Variants in OTUD7A observed in about 807,000 individuals in gnomAD.
OTUD7A encodes OTU domain-containing protein 7A.
OTUD7A carries 12 observed loss-of-function variants against 65.7 expected under a neutral mutation model. The ratio of observed to expected loss-of-function variants is 0.18; its 90% CI spans 0.12 to 0.30. OTUD7A has a LOEUF of 0.30. OTUD7A is among the 10% of genes least tolerant of loss of function. The pLI, the probability that OTUD7A is intolerant of heterozygous loss-of-function variation, is 1.00. For synonymous variants in OTUD7A, 641 were observed against 586.3 expected (o/e 1.09, Z -1.35); for missense variants, 1,148 against 1,304.8 (o/e 0.88, Z 1.85).
In OTUD7A at chr15:31,625,766, T is replaced by C. The variant is rs184566716; in HGVS notation, c.151+29330A>G. 4.6e-5 allele frequency among the ~76,000 whole-genome samples: 7 copies of C among 152,192 alleles called. No individual in the cohort carries two copies. In the East Asian group the frequency reaches 1.2e-3, roughly 25 times the overall value. On this transcript the variant is annotated intron_variant, in intron 3 of 12. Coordinates refer to ENST00000307050, the MANE Select transcript of OTUD7A (RefSeq NM_001382637.1). ...AAGCCAGAAACCACCCAGATACCCA[T>C]TAAATAGTGATGGATAAAAAAACAA...
At chr15:31,838,271 T>C (rs1169823692) in intron 1 of OTUD7A, among the ~76,000 whole-genome samples, 2 of 152,224 alleles carry the variant, frequency 1.3e-5, no homozygotes, top group Non-Finnish European at 2.9e-5. Flanking sequence ...AGTAATAAAT[T>C]GGACTTCAGC....
intron 1 of OTUD7A, among the ~76,000 whole-genome samples, chr15:31,725,512 A>G (rs1298858327): frequency 6.6e-6 from 1 of 152,180 alleles, no homozygotes; most frequent in African/African-American, 2.4e-5. Flanking sequence ...AGACTTTAGG[A>G]TGTCTCCCAC....
intron 1 of OTUD7A, among the ~76,000 whole-genome samples, chr15:31,771,054 A>G (rs1408086492): frequency 3.3e-5 from 5 of 152,244 alleles, no homozygotes. Context: ...GGCTCTGGCC[A>G]ATGAAATAAG....
At chr15:31,743,740 C>CA (rs796828479) in intron 1 of OTUD7A, among the ~76,000 whole-genome samples, 198 of 137,622 alleles carry the variant, frequency 1.4e-3, no homozygotes, top group African/African-American at 2.9e-3. Flanking sequence ...AACCCCATCT[C>CA]AAAAAAAAAA....
rs764874054 is a variant in OTUD7A, at chr15:31,649,845, G to T, written c.151+5251C>A. 41 of 374,946 alleles carry T rather than the reference G, an allele frequency of 1.1e-4. 1 individual carries two copies. The highest frequency in any genetic ancestry group is 9.0e-4 in the Middle Eastern group (2 of 2,228). 23.2% of individuals were successfully genotyped at this position (374,946 alleles called of 1,614,324 possible). A position where few individuals can be genotyped will look rare whatever the true frequency, so the allele number is the denominator to read the frequency against. On this transcript the variant is annotated intron_variant, in intron 3 of 12. Transcript: ENST00000307050. Reference sequence around the variant, plus strand: ...GTTGGAGGTGCTGATGCAGAAAGGAGACCACAGTTGGAAGTGCCACAGAGT... The same window carrying T: ...GTTGGAGGTGCTGATGCAGAAAGGATACCACAGTTGGAAGTGCCACAGAGT...
In OTUD7A at chr15:31,487,589, G is replaced by A. The variant is rs369185455; in HGVS notation, c.1172-23C>T. The A allele has an allele frequency of 4.2e-5, 67 of 1,596,752 alleles. 1 individual carries two copies. The East Asian group carries it at 4.7e-4, about 11-fold the overall frequency. On this transcript the variant is annotated intron_variant, in intron 10 of 12. Coordinates refer to ENST00000307050, the MANE Select transcript of OTUD7A (RefSeq NM_001382637.1). The surrounding 1 kb of genome is among the most constrained non-coding windows in gnomAD (Gnocchi z 6.0). ...CGGCTGGAACAGAAGAGACAGAGCC[G>A]TGCTTGGAGCCCCGGCAGTCCCCAG...
intron 1 of OTUD7A, among the ~76,000 whole-genome samples, chr15:31,869,232 C>T (rs1567063908): frequency 1.3e-5 from 2 of 152,146 alleles, no homozygotes; most frequent in South Asian, 2.1e-4. Flanking sequence ...CCTCTGTTCT[C>T]GTGAACCCTC....
intron 5 of OTUD7A, among the ~76,000 whole-genome samples, chr15:31,540,163 T>C (rs907511290): frequency 6.6e-6 from 1 of 152,212 alleles, no homozygotes; most frequent in Non-Finnish European, 1.5e-5. Flanking sequence ...CTGAAGCTAA[T>C]AGGTGACTTC....
At chr15:31,493,093 C>G (rs181644346) in intron 10 of OTUD7A, among the ~76,000 whole-genome samples, 176 of 151,570 alleles carry the variant, frequency 1.2e-3, no homozygotes, top group Non-Finnish European at 1.9e-3. Context: ...GTAATCCTAG[C>G]TACTCGGGAG....
At chr15:31,688,268 G>T (rs1892886037) in intron 1 of OTUD7A, among the ~76,000 whole-genome samples, 2 of 151,196 alleles carry the variant, frequency 1.3e-5, no homozygotes, top group Admixed American at 6.6e-5. Context: ...AATGACCTTA[G>T]CCCAGTGAAC....
At chr15:31,518,853 G>C (rs1225687434) in intron 8 of OTUD7A, among the ~76,000 whole-genome samples, 1 of 152,252 alleles carries the variant, frequency 6.6e-6, no homozygotes, top group Non-Finnish European at 1.5e-5. Flanking sequence ...TGCCTGCCCA[G>C]ACAGGCACCT....
At chr15:31,510,110 A>AT (rs1460343078) in intron 8 of OTUD7A, among the ~76,000 whole-genome samples, 7 of 63,832 alleles carry the variant, frequency 1.1e-4, no homozygotes, top group Admixed American at 8.1e-4. Context: ...TGATTTATTT[A>AT]TTTTTTCTAC....
At chr15:31,702,778 GA>G (rs1320502040) in intron 1 of OTUD7A, among the ~76,000 whole-genome samples, 1 of 151,274 alleles carries the variant, frequency 6.6e-6, no homozygotes, top group Non-Finnish European at 1.5e-5. Flanking sequence ...AGAGGTAGAA[GA>G]ATTAGAATAG....
chr15:31,670,658 A>G (rs1479345501), intron 1 of OTUD7A, among the ~76,000 whole-genome samples: 1 of 152,086 alleles, frequency 6.6e-6, no homozygotes, highest in Non-Finnish European at 1.5e-5. Context: ...TTCCTTGTAG[A>G]TTCTGGATAT....
Position 31,483,431 on chromosome 15 carries a change from C to T in OTUD7A, c.2665G>A (p.Gly889Ser), listed in dbSNP as rs1184114043. The change falls in exon 13 of 13, where the codon GGC (glycine) becomes AGC (serine). Residue 889 changes from glycine to serine, a missense_variant. Gly to Ser is a moderately conservative substitution (Grantham distance 56). Coordinates refer to ENST00000307050, the MANE Select transcript of OTUD7A (RefSeq NM_001382637.1). Reference sequence around the variant, plus strand: ...CAGCGCCGCTGCACCGGCCCCGGGCCGCCACGGCCGCACTCACCGTTCGAG... The same window carrying T: ...CAGCGCCGCTGCACCGGCCCCGGGCTGCCACGGCCGCACTCACCGTTCGAG... The part of the protein sequence containing the change: ...ARSNGECGRG[G>S]PGPVQRRCQR... 1.5e-6 allele frequency: 2 copies of T among 1,372,672 alleles called. No individual in the cohort carries two copies. Among genetic ancestry groups the T allele is most frequent in the Admixed American group, 6.6e-5 (2 of 30,416 alleles). The allele number at this position is 1,372,672 out of a possible 1,614,324, so 85.0% of individuals were successfully genotyped here. A position where few individuals can be genotyped will look rare whatever the true frequency, so the allele number is the denominator to read the frequency against.
chr15:31,858,517 G>C (rs1044891110), intron 1 of OTUD7A, among the ~76,000 whole-genome samples: 3 of 152,216 alleles, frequency 2.0e-5, no homozygotes, highest in African/African-American at 7.2e-5. Context: ...AGCAGGAATA[G>C]TTAAGGGCAC....
In OTUD7A at chr15:31,477,678, A is replaced by G. The variant is rs1026084376; in HGVS notation, c.*5616T>C. The G allele has an allele frequency of 3.3e-5, 5 of 152,148 alleles. No individual in the cohort carries two copies. Among genetic ancestry groups the G allele is most frequent in the Admixed American group, 6.5e-5 (1 of 15,282 alleles). The allele number at this position is 152,148 out of a possible 1,614,324, so 9.4% of individuals were successfully genotyped here. A position where few individuals can be genotyped will look rare whatever the true frequency, so the allele number is the denominator to read the frequency against. ...TTACTGATTTAATTTCCTTTTTTCA[A>G]TAAATACTTATCCAGTGCCTAATAT... On this transcript the variant is annotated 3_prime_UTR_variant, in exon 13 of 13. Transcript: ENST00000307050.
chr15:31,668,078 C>A (rs1892369907), intron 1 of OTUD7A, among the ~76,000 whole-genome samples: 1 of 152,156 alleles, frequency 6.6e-6, no homozygotes, highest in African/African-American at 2.4e-5. Flanking sequence ...TCTTAAGATT[C>A]TTTCCTTCAT....
chr15:31,609,928 G>A (rs1890351051), intron 3 of OTUD7A, among the ~76,000 whole-genome samples: 1 of 152,186 alleles, frequency 6.6e-6, no homozygotes, highest in South Asian at 2.1e-4. Flanking sequence ...TACCAGCCCA[G>A]AGCCGGGCAG....
Sources: allele counts gnomAD v4.1 joint callset (sites outside exome capture counted in the v4.1 genomes callset), GRCh38; gene constraint gnomAD v4.1.1; non-coding constraint Gnocchi (gnomAD v3.1); transcripts MANE v1.5; gene names NCBI Gene and HGNC (gene_info 2026-07-23, HGNC 2026-07-21).